NHSL2: variants seen among roughly 807,000 people sequenced by gnomAD.
NHSL2 encodes the protein NHS-like protein 2.
In NHSL2, 27 loss-of-function variants were observed where a neutral mutation model predicts 53.4. The ratio of observed to expected loss-of-function variants is 0.51; its 90% CI spans 0.37 to 0.70. The LOEUF is 0.70. NHSL2 is among the 30% of genes least tolerant of loss of function. The pLI, the probability that NHSL2 is intolerant of heterozygous loss-of-function variation, is 0.00. For synonymous variants in NHSL2, 408 were observed against 404.1 expected (o/e 1.01, Z -0.12); for missense variants, 892 against 980.1 (o/e 0.91, Z 1.20).
intron 1 of NHSL2, among the ~76,000 whole-genome samples, chrX:72,125,464 A>T (rs1291939227): frequency 2.7e-5 from 3 of 111,457 alleles, no homozygotes; most frequent in Non-Finnish European, 5.7e-5. Flanking sequence ...CTCAACAGTG[A>T]CTAGACAGAT....
intron 1 of NHSL2, among the ~76,000 whole-genome samples, chrX:72,125,801 A>C: frequency 8.9e-6 from 1 of 111,959 alleles, no homozygotes; most frequent in East Asian, 2.8e-4. Flanking sequence ...TAGAAGGGGC[A>C]GTCAACCACA....
Position 72,099,361 on chromosome X carries a change from A to ATTT in NHSL2, c.281-32698_281-32696dup, listed in dbSNP as rs753132294. 1.5e-3 allele frequency among the ~76,000 whole-genome samples: 128 copies of ATTT among 84,302 alleles called. 1 individual carries two copies. The highest frequency in any genetic ancestry group is 2.4e-3 in the East Asian group (5 of 2,046). The allele number at this position is 84,302 out of a possible 115,157, so 73.2% of individuals were successfully genotyped here. ...GGCACCAGTATCCCCTTGTGTAGGA[A>ATTT]TTTTTTTTTTTTTTTTTTTTTTGAG... On this transcript the variant is annotated intron_variant, in intron 1 of 7. Transcript: ENST00000633930.
At chrX:72,029,813 C>T (rs867007761) in intron 1 of NHSL2, among the ~76,000 whole-genome samples, 1 of 112,220 alleles carries the variant, frequency 8.9e-6, no homozygotes, top group African/African-American at 3.2e-5. Flanking sequence ...AGCAGCTGGG[C>T]CTTCCCATCT....
At position 72,106,442 on chromosome X, in the gene NHSL2, G is replaced by A. The variant is rs186775957; in HGVS notation, c.281-25637G>A. Among the ~76,000 whole-genome samples the A allele has an allele frequency of 3.6e-5, 4 of 112,023 alleles. No individual in the cohort carries two copies. In the East Asian group the frequency reaches 1.1e-3, roughly 31 times the overall value. On this transcript the variant is annotated intron_variant, in intron 1 of 7. Coordinates refer to ENST00000633930, the MANE Select transcript of NHSL2 (RefSeq NM_001013627.3). ...ACCATCTCATGCCAGTTAGAATGGC[G>A]ATCATTAAAAAGTCAGGAAACAACA...
intron 1 of NHSL2, among the ~76,000 whole-genome samples, chrX:71,981,038 A>C (rs904725617): frequency 1.8e-5 from 2 of 112,416 alleles, no homozygotes; most frequent in Non-Finnish European, 3.8e-5. Flanking sequence ...GATCAACGAC[A>C]TAACTGTAAG....
At chrX:72,088,724 A>G (rs1454900934) in intron 1 of NHSL2, among the ~76,000 whole-genome samples, 1 of 112,197 alleles carries the variant, frequency 8.9e-6, no homozygotes, top group Non-Finnish European at 1.9e-5. Context: ...ACTGCACTCC[A>G]GCCTGGGTAA....
chrX:72,076,948 G>C (rs2041748847), intron 1 of NHSL2, among the ~76,000 whole-genome samples: 1 of 111,300 alleles, frequency 9.0e-6, no homozygotes, highest in Admixed American at 9.5e-5. Context: ...TTCGGGTGGA[G>C]TGTGTTCTCT....
intron 1 of NHSL2, among the ~76,000 whole-genome samples, chrX:72,103,072 C>T (rs1367718664): frequency 1.8e-5 from 2 of 112,225 alleles, no homozygotes; most frequent in South Asian, 3.7e-4. Context: ...GGCCAGCAGA[C>T]ATCTGGAGGA....
rs753993385 is a variant in NHSL2 at position 72,129,932 on chromosome X, G to A, written c.281-2147G>A. On this transcript the variant is annotated intron_variant, in intron 1 of 7. Transcript: ENST00000633930. ...CTTCGAACTTGGCGTTGTCCTAAACGACCTGTGCGGCGAATCAGTTGGGGG... is the reference window on the plus strand; with the variant it reads ...CTTCGAACTTGGCGTTGTCCTAAACAACCTGTGCGGCGAATCAGTTGGGGG... 4.1e-6 allele frequency: 5 copies of A among 1,209,291 alleles called. No individual in the cohort carries two copies. In the East Asian group the frequency reaches 1.2e-4, roughly 29 times the overall value.
chrX:72,038,012 T>G (rs939920687), intron 1 of NHSL2, among the ~76,000 whole-genome samples: 1 of 111,867 alleles, frequency 8.9e-6, no homozygotes, highest in Non-Finnish European at 1.9e-5. Flanking sequence ...TACCAAAAGC[T>G]CAAAGAATCC....
chrX:72,024,815 G>A (rs1340701669), intron 1 of NHSL2, among the ~76,000 whole-genome samples: 1 of 112,294 alleles, frequency 8.9e-6, no homozygotes, highest in African/African-American at 3.2e-5. Flanking sequence ...TATATTGAAG[G>A]TGTTAATCAA....
At chrX:72,133,948 G>C in intron 2 of NHSL2, 143 bp from the exon 3 acceptor site, 1 of 553,998 alleles carries the variant, frequency 1.8e-6, no homozygotes, top group Non-Finnish European at 2.8e-6. Context: ...CAAATCCAGT[G>C]GCTCAAACAC....
In NHSL2 at chrX:72,139,572, C is replaced by T. The variant is rs1290885730; in HGVS notation, c.2024C>T (p.Ser675Phe). ...ACCCAAGTTCAGGGCAGCTCAGAGT[C>T]TCTTGCCTCACCTTCCACCTCCAGA... ...ECTQVQGSSESLASPSTSRAT... is the reference protein window; with the variant it reads ...ECTQVQGSSEFLASPSTSRAT... Residue 675 changes from serine to phenylalanine, a missense_variant, in exon 6 of 8, where the codon TCT (serine) becomes TTT (phenylalanine). Physicochemically the swap from Ser to Phe is radical, Grantham distance 155. Transcript: ENST00000633930. The T allele has an allele frequency of 8.3e-7, 1 of 1,209,049 alleles. No individual in the cohort carries two copies. The highest frequency in any genetic ancestry group is 3.0e-5 in the East Asian group (1 of 33,767).
rs1344319242 is a variant in NHSL2, at chrX:72,134,540, C to T, written c.596C>T (p.Thr199Ile). ...PTKRQLSEDETTTQGVRAPEA... is the reference protein window; with the variant it reads ...PTKRQLSEDEITTQGVRAPEA... ...AAACGGCAGCTGAGCGAGGATGAGA[C>T]TACCACCCAGGGTGTGAGGGCCCCC... is the stretch of plus-strand genomic sequence containing the variant. The change falls in exon 4 of 8, where the codon ACT (threonine) becomes ATT (isoleucine). Residue 199 changes from threonine to isoleucine, a missense_variant. Coordinates refer to ENST00000633930, the MANE Select transcript of NHSL2 (RefSeq NM_001013627.3). 1.4e-5 allele frequency: 16 copies of T among 1,166,326 alleles called. No homozygotes were observed. Among genetic ancestry groups the T allele is most frequent in the Non-Finnish European group, 1.8e-5 (16 of 872,063 alleles).
chrX:71,917,364 G>T (rs1465364964), intron 1 of NHSL2, among the ~76,000 whole-genome samples: 1 of 107,157 alleles, frequency 9.3e-6, no homozygotes, highest in Non-Finnish European at 1.9e-5. Flanking sequence ...GCTCCTTGAG[G>T]GTAGTAGTCT....
At chrX:72,100,701 AGAATCT>A (rs2041984634) in intron 1 of NHSL2, among the ~76,000 whole-genome samples, 1 of 112,284 alleles carries the variant, frequency 8.9e-6, no homozygotes, top group South Asian at 3.7e-4. Flanking sequence ...GCTCCTTATA[AGAATCT>A]AACTAATGCC....
chrX:71,958,865 G>A (rs2041855067), intron 1 of NHSL2, among the ~76,000 whole-genome samples: 2 of 111,681 alleles, frequency 1.8e-5, no homozygotes, highest in African/African-American at 6.5e-5. Context: ...CTTTACAGAT[G>A]AGGAAACTGA....
At position 71,942,021 on chromosome X, in the gene NHSL2, C is replaced by T. The variant is rs767656711; in HGVS notation, c.280+30654C>T. 2.8e-5 allele frequency among the ~76,000 whole-genome samples: 3 copies of T among 108,883 alleles called. No individual in the cohort carries two copies. In the South Asian group the frequency reaches 1.3e-3, roughly 46 times the overall value. 94.6% of individuals were successfully genotyped at this position (108,883 alleles called of 115,157 possible). ...TTCTATGAGTCATGCTCCTCTTATGCTAAGTCCAGCTCAGATTTGGAAGGG... is the reference window on the plus strand; with the variant it reads ...TTCTATGAGTCATGCTCCTCTTATGTTAAGTCCAGCTCAGATTTGGAAGGG... On this transcript the variant is annotated intron_variant, in intron 1 of 7. Transcript: ENST00000633930.
At chrX:72,072,097 T>C (rs1047930361) in intron 1 of NHSL2, among the ~76,000 whole-genome samples, 2 of 112,494 alleles carry the variant, frequency 1.8e-5, no homozygotes, top group African/African-American at 6.5e-5. Flanking sequence ...GAGATTACGA[T>C]TGCTCCCCAA....
Sources: allele counts gnomAD v4.1 joint callset (sites outside exome capture counted in the v4.1 genomes callset), GRCh38; gene constraint gnomAD v4.1.1; transcripts MANE v1.5; gene names NCBI Gene and HGNC (gene_info 2026-07-23, HGNC 2026-07-21).